Variants in IFT74 observed in about 807,000 individuals in gnomAD.
The protein encoded by IFT74 is intraflagellar transport protein 74 homolog.
IFT74 carries 92 observed loss-of-function variants against 96.7 expected under a neutral mutation model. That is an observed-to-expected ratio of 0.95 (90% CI 0.80 to 1.13). The LOEUF is 1.13. IFT74 is among the 50% of genes most tolerant of loss of function. IFT74 has a pLI of 0.00. For synonymous variants in IFT74, 223 were observed against 213.2 expected (o/e 1.05, Z -0.40); for missense variants, 811 against 698.2 (o/e 1.16, Z -1.82).
At chr9:26,989,754 A>C (rs556526655) in intron 7 of IFT74, among the ~76,000 whole-genome samples, 13 of 152,282 alleles carry the variant, frequency 8.5e-5, no homozygotes, top group Admixed American at 2.6e-4. Context: ...GTGTACTCAG[A>C]TAATATCCTG....
chr9:26,978,309 A>G, intron 3 of IFT74, 46 bp downstream of exon 3: 1 of 1,579,918 alleles, frequency 6.3e-7, no homozygotes, highest in South Asian at 1.2e-5. Context: ...GTGTTTTGTA[A>G]GAAATAAATA....
At chr9:27,018,609 A>T (rs1563979022) in intron 11 of IFT74, 38 bp from the exon 12 acceptor site, 1 of 1,225,476 alleles carries the variant, frequency 8.2e-7, no homozygotes, top group East Asian at 2.4e-5. Context: ...ACAATGAGTT[A>T]TTTTTTTAAA....
chr9:27,027,264 A>G (rs538176870), intron 12 of IFT74, among the ~76,000 whole-genome samples: 1 of 152,292 alleles, frequency 6.6e-6, no homozygotes, highest in Non-Finnish European at 1.5e-5. Context: ...TTAAAGTAGG[A>G]AGAAATAGAA....
At chr9:26,959,086 C>T (rs978388044) in intron 1 of IFT74, among the ~76,000 whole-genome samples, 1 of 140,974 alleles carries the variant, frequency 7.1e-6, no homozygotes, top group Non-Finnish European at 1.5e-5. Context: ...ATAAGCTATT[C>T]TTTTTGTTGT....
chr9:27,061,415 A>C (rs1402911966), intron 19 of IFT74, among the ~76,000 whole-genome samples: 4 of 152,108 alleles, frequency 2.6e-5, no homozygotes, highest in African/African-American at 9.7e-5. Flanking sequence ...AAAGTTAAAC[A>C]TTATCAGTAA....
In IFT74 at chr9:27,011,925, A is replaced by C; in HGVS notation, c.746A>C (p.Gln249Pro). Reference protein sequence around the residue: ...KLLQELDTLQQQLDSQNMKKE... With the variant: ...KLLQELDTLQPQLDSQNMKKE... Reference sequence around the variant, plus strand: ...ACTTAGGAATTAGATACACTTCAACAACAATTGGATTCACAGAACATGAAA... The same window carrying C: ...ACTTAGGAATTAGATACACTTCAACCACAATTGGATTCACAGAACATGAAA... The change falls in exon 10 of 20, where the codon CAA becomes CCA. Residue 249 changes from glutamine (Q) to proline (P), a missense_variant. Coordinates refer to ENST00000380062, the MANE Select transcript of IFT74 (RefSeq NM_025103.4). 6.3e-7 allele frequency: 1 copy of C among 1,583,660 alleles called. No homozygotes were observed. Among genetic ancestry groups the C allele is most frequent in the Non-Finnish European group, 8.6e-7 (1 of 1,166,138 alleles).
intron 12 of IFT74, among the ~76,000 whole-genome samples, chr9:27,025,855 C>T (rs1450870086): frequency 6.6e-6 from 1 of 152,110 alleles, no homozygotes; most frequent in East Asian, 1.9e-4. Context: ...GAAACAAAAC[C>T]TCAAAATACA....
chr9:27,051,413 A>G (rs915636610), intron 16 of IFT74, among the ~76,000 whole-genome samples: 2 of 152,274 alleles, frequency 1.3e-5, no homozygotes, highest in East Asian at 1.9e-4. Flanking sequence ...GACTGTGAGT[A>G]TATTTTTATT....
chr9:27,024,832 T>C (rs1278496591), intron 12 of IFT74, among the ~76,000 whole-genome samples: 3 of 151,898 alleles, frequency 2.0e-5, no homozygotes, highest in African/African-American at 7.3e-5. Flanking sequence ...TCACAACTTC[T>C]GGAAATGAAA....
chr9:27,032,963 GGC>G (rs1428501862), intron 13 of IFT74, among the ~76,000 whole-genome samples: 7 of 152,030 alleles, frequency 4.6e-5, no homozygotes, highest in Non-Finnish European at 8.8e-5. Context: ...ATATGAATCT[GGC>G]ATGTATTTAA....
intron 16 of IFT74, among the ~76,000 whole-genome samples, chr9:27,048,749 T>A (rs1315923544): frequency 3.9e-5 from 6 of 152,294 alleles, no homozygotes; most frequent in African/African-American, 1.4e-4. Flanking sequence ...ATTATCAAGT[T>A]AGGAGTCTAT....
intron 13 of IFT74, among the ~76,000 whole-genome samples, chr9:27,037,076 C>G (rs149446207): frequency 6.6e-6 from 1 of 151,848 alleles, no homozygotes; most frequent in Admixed American, 6.6e-5. Flanking sequence ...AAAACTTAGC[C>G]GGTAGTGGTG....
chr9:26,980,655 C>G, intron 4 of IFT74, 36 bp downstream of exon 4: 1 of 1,356,900 alleles, frequency 7.4e-7, no homozygotes, highest in Non-Finnish European at 1.0e-6. Context: ...GTATGTTTTA[C>G]TCGAAATATT....
chr9:26,977,335 C>T (rs1587271843), intron 2 of IFT74, among the ~76,000 whole-genome samples: 1 of 152,118 alleles, frequency 6.6e-6, no homozygotes, highest in East Asian at 1.9e-4. Context: ...CAGTGATTCT[C>T]ACCTGTAATC....
chr9:27,060,542 A>G, intron 18 of IFT74, 49 bp from the exon 19 acceptor site: 1 of 1,272,370 alleles, frequency 7.9e-7, no homozygotes. Context: ...AAGGCATTTA[A>G]TTGTTTTAAA....
intron 13 of IFT74, among the ~76,000 whole-genome samples, chr9:27,040,287 A>G (rs1286625708): frequency 6.6e-6 from 1 of 152,192 alleles, no homozygotes; most frequent in African/African-American, 2.4e-5. Context: ...GCAGTGGCTC[A>G]CGCCTGTAAT....
In IFT74 at chr9:27,063,847, G is replaced by C. The variant is rs145992226; in HGVS notation, c.*1111G>C. 2.0e-5 allele frequency among the ~76,000 whole-genome samples: 3 copies of C among 151,984 alleles called. No individual in the cohort carries two copies. The highest frequency in any genetic ancestry group is 7.2e-5 in the African/African-American group (3 of 41,392). On this transcript the variant is annotated 3_prime_UTR_variant, in exon 20 of 20. Coordinates refer to ENST00000380062, the MANE Select transcript of IFT74 (RefSeq NM_025103.4). ...TAAATAAAGGAGTGAGCATTGTTGA[G>C]TTTGCTGAACTCTGGATTACTAATA... is the stretch of plus-strand genomic sequence containing the variant.
At chr9:27,005,096 A>G (rs1354593800) in intron 8 of IFT74, among the ~76,000 whole-genome samples, 1 of 152,304 alleles carries the variant, frequency 6.6e-6, no homozygotes, top group African/African-American at 2.4e-5. Context: ...ATAATACACA[A>G]TTAACTTTGT....
At chr9:27,044,540 T>C (rs1819610955) in intron 13 of IFT74, among the ~76,000 whole-genome samples, 1 of 152,224 alleles carries the variant, frequency 6.6e-6, no homozygotes, top group Admixed American at 6.5e-5. Context: ...TTTCCAATCA[T>C]ATTGTTTGTT....
Sources: allele counts gnomAD v4.1 joint callset (sites outside exome capture counted in the v4.1 genomes callset), GRCh38; gene constraint gnomAD v4.1.1; transcripts MANE v1.5; gene names NCBI Gene and HGNC (gene_info 2026-07-23, HGNC 2026-07-21).